The following AOX1 variants were observed in gnomAD, a reference collection of about 807,000 sequenced individuals.
AOX1 encodes aldehyde oxidase.
Under a neutral mutation model 169.5 loss-of-function variants are expected in AOX1, and 153 were observed. The ratio of observed to expected loss-of-function variants is 0.90; its 90% CI spans 0.79 to 1.03. AOX1 has a LOEUF of 1.03. Ranked by LOEUF, AOX1 falls within the 50% of genes least tolerant of loss-of-function variation. AOX1 has a pLI of 0.00. For synonymous variants in AOX1, 562 were observed against 581.9 expected (o/e 0.97, Z 0.49); for missense variants, 1,656 against 1,663.9 (o/e 1.00, Z 0.08).
At chr2:200,614,418 G>C (rs1035888848) in intron 15 of AOX1, among the ~76,000 whole-genome samples, 1 of 152,182 alleles carries the variant, frequency 6.6e-6, no homozygotes, top group Non-Finnish European at 1.5e-5. Flanking sequence ...TGTGAAATGC[G>C]TCATTGTAGG....
chr2:200,587,462 G>GT (rs1451409798), intron 1 of AOX1, among the ~76,000 whole-genome samples: 4 of 152,306 alleles, frequency 2.6e-5, no homozygotes, highest in Non-Finnish European at 4.4e-5. Context: ...AAGCTAACCA[G>GT]TGTGAAGCAC....
rs913076376 is a variant in AOX1 at position 200,651,005 on chromosome 2, A to G, written c.2879A>G (p.Asp960Gly). Residue 960 changes from aspartate (D) to glycine (G), a missense_variant, in exon 26 of 35, where the codon GAT becomes GGT. Physicochemically the swap from Asp to Gly is moderately conservative, Grantham distance 94. Transcript: ENST00000374700. The part of the protein sequence containing the change: ...VRIINMYKEI[D>G]QTPYKQEINA... ...ATCATAAACATGTACAAGGAAATTG[A>G]TCAAACACCCTACAAACAAGAGATC... 2 of 1,614,200 alleles carry G rather than the reference A, an allele frequency of 1.2e-6. No homozygotes were observed. Among genetic ancestry groups the G allele is most frequent in the African/African-American group, 1.3e-5 (1 of 75,048 alleles).
chr2:200,638,861 C>T (rs915295692), intron 23 of AOX1, among the ~76,000 whole-genome samples: 4 of 152,094 alleles, frequency 2.6e-5, no homozygotes, highest in African/African-American at 7.2e-5. Context: ...AGCTCTTAAA[C>T]TTTCATTACG....
At chr2:200,677,091 T>C (rs1035912170), downstream of AOX1, 4 of 370,948 alleles carry the variant, frequency 1.1e-5, no homozygotes, top group Non-Finnish European at 2.2e-5. Flanking sequence ...CTTTTATTAA[T>C]GTTTGCCAAG....
rs572551448 is a variant in AOX1, at chr2:200,609,825, C to A, written c.1153+411C>A. 3.9e-5 allele frequency among the ~76,000 whole-genome samples: 6 copies of A among 152,282 alleles called. No individual in the cohort carries two copies. The East Asian group carries it at 9.6e-4, about 24-fold the overall frequency. On this transcript the variant is annotated intron_variant, in intron 12 of 34. Coordinates refer to ENST00000374700, the MANE Select transcript of AOX1 (RefSeq NM_001159.4). ...ACACTTAATTTATCATTGATGGAAACATACAGGTCTTTTTCAGGTGAAAAA... is the reference window on the plus strand; with the variant it reads ...ACACTTAATTTATCATTGATGGAAAAATACAGGTCTTTTTCAGGTGAAAAA...
intron 1 of AOX1, among the ~76,000 whole-genome samples, chr2:200,591,734 AG>A (rs2034176859): frequency 6.6e-6 from 1 of 152,164 alleles, no homozygotes; most frequent in Admixed American, 6.5e-5. Flanking sequence ...TGTTAAATTT[AG>A]GCATATACAT....
chr2:200,604,224 C>T, intron 8 of AOX1, 127 bp downstream of exon 8: 1 of 722,346 alleles, frequency 1.4e-6, no homozygotes, highest in Admixed American at 2.2e-5. Context: ...ATCCTTAGCT[C>T]AAGGTCTAAA....
intron 31 of AOX1, among the ~76,000 whole-genome samples, chr2:200,666,138 G>T (rs1559262797): frequency 1.3e-5 from 2 of 152,162 alleles, no homozygotes; most frequent in Non-Finnish European, 2.9e-5. Context: ...CTCATTTGTA[G>T]GTTATCAGTA....
rs1157279678 is a variant in AOX1 at position 200,612,644 on chromosome 2, A to T, written c.1299A>T (p.Arg433=). 2 of 1,614,056 alleles carry T rather than the reference A, an allele frequency of 1.2e-6. No homozygotes were observed. ...EFVSAFRQAQ[R]QENALAIVNS... is the part of the protein sequence containing the mutation. ...TGTCAGCCTTCCGACAAGCCCAGCG[A>T]CAGGAGAATGCGCTAGCGATAGTCA... Residue 433 remains arginine, a synonymous_variant, in exon 14 of 35, where the codon CGA becomes CGT. Coordinates refer to ENST00000374700, the MANE Select transcript of AOX1 (RefSeq NM_001159.4).
chr2:200,594,351 G>T (rs2034235315), intron 2 of AOX1, among the ~76,000 whole-genome samples: 1 of 152,066 alleles, frequency 6.6e-6, no homozygotes, highest in Non-Finnish European at 1.5e-5. Context: ...ACAGCAACAG[G>T]GTCCCTTGGT....
At chr2:200,620,557 A>G (rs988934232) in intron 16 of AOX1, 93 bp from the exon 17 acceptor site, 169 of 1,201,340 alleles carry the variant, frequency 1.4e-4, no homozygotes, top group Non-Finnish European at 1.7e-4. Context: ...AGTCTAAATT[A>G]TATAGCTACC....
At chr2:200,668,538 A>G (rs1574966967) in intron 32 of AOX1, 77 bp from the exon 33 acceptor site, 4 of 1,268,848 alleles carry the variant, frequency 3.2e-6, no homozygotes, top group Admixed American at 4.8e-5. Flanking sequence ...TCAAGCAAAC[A>G]GCATGAAGTT....
At chr2:200,638,585 G>A (rs931930329) in intron 23 of AOX1, among the ~76,000 whole-genome samples, 3 of 152,212 alleles carry the variant, frequency 2.0e-5, no homozygotes, top group East Asian at 1.9e-4. Flanking sequence ...GAGTGTGTAC[G>A]CCATTAAAGT....
downstream of AOX1, among the ~76,000 whole-genome samples, chr2:200,675,340 G>A (rs2036080727): frequency 6.6e-6 from 1 of 152,116 alleles, no homozygotes; most frequent in Non-Finnish European, 1.5e-5. Context: ...AAGGAGAGAA[G>A]AATAAGTACA....
At chr2:200,666,612 A>G in intron 31 of AOX1, 75 bp from the exon 32 acceptor site, 1 of 1,055,408 alleles carries the variant, frequency 9.5e-7, no homozygotes, top group Non-Finnish European at 1.4e-6. Context: ...TCAGCCTGGC[A>G]GGAAGTGTTC....
At chr2:200,679,872 A>C (rs1031081293), downstream of AOX1, among the ~76,000 whole-genome samples, 1 of 152,138 alleles carries the variant, frequency 6.6e-6, no homozygotes, top group Admixed American at 6.5e-5. Context: ...GCTTGAGCCA[A>C]GGAGTTCAAG....
In AOX1 at chr2:200,638,204, T is replaced by C. The variant is rs1194330727; in HGVS notation, c.2481-11T>C. On this transcript the variant is annotated splice_polypyrimidine_tract_variant and intron_variant, in intron 22 of 34. Coordinates refer to ENST00000374700, the MANE Select transcript of AOX1 (RefSeq NM_001159.4). Reference sequence around the variant, plus strand: ...AAAGAGGTTACCTCACTTACTTTTTTTCTGTTTTAGACATGGCCGTGCAGT... The same window carrying C: ...AAAGAGGTTACCTCACTTACTTTTTCTCTGTTTTAGACATGGCCGTGCAGT... 6.2e-7 allele frequency: 1 copy of C among 1,612,732 alleles called. No homozygotes were observed. The highest frequency in any genetic ancestry group is 1.1e-5 in the South Asian group (1 of 91,040).
In AOX1 at chr2:200,609,190, G is replaced by A. The variant is rs2034579374; in HGVS notation, c.1059+55G>A. The A allele has an allele frequency of 1.9e-6, 3 of 1,601,062 alleles. No individual in the cohort carries two copies. In the East Asian group the frequency reaches 6.7e-5, roughly 36 times the overall value. ...ATGCATCCCTTGGGTGACTCTCCCT[G>A]ATGAATCATGACATTTTCATTCTTT... On this transcript the variant is annotated intron_variant, in intron 11 of 34. Coordinates refer to ENST00000374700, the MANE Select transcript of AOX1 (RefSeq NM_001159.4).
chr2:200,638,116 G>T (rs780456667), intron 22 of AOX1, 99 bp from the exon 23 acceptor site: 4 of 1,005,584 alleles, frequency 4.0e-6, no homozygotes, highest in Non-Finnish European at 6.2e-6. Flanking sequence ...TCTGTGAGGC[G>T]TGTAGGCTCC....
Sources: gnomAD v4.1 joint callset for allele counts (sites outside exome capture counted in the v4.1 genomes callset) on GRCh38, gnomAD v4.1.1 for gene constraint, MANE v1.5 for transcripts, NCBI Gene and HGNC (gene_info 2026-07-23, HGNC 2026-07-21) for gene names.